HS2ST1: variants seen among roughly 807,000 people sequenced by gnomAD.
The protein encoded by HS2ST1 is 2-O-sulfotransferase.
HS2ST1 carries 18 observed loss-of-function variants against 42.9 expected under a neutral mutation model. The observed-to-expected ratio is 0.42, with a 90% CI of 0.29 to 0.62. The LOEUF is 0.62. Ranked by LOEUF, HS2ST1 falls within the 20% of genes least tolerant of loss-of-function variation. HS2ST1 has a pLI of 0.21. For missense variants in HS2ST1, 334 were observed against 433.8 expected (o/e 0.77, Z 2.04); for synonymous variants, 146 against 152.9 (o/e 0.95, Z 0.33).
At position 87,076,254 on chromosome 1, in the gene HS2ST1, T is replaced by C. The variant is rs377342056; in HGVS notation, c.363+3082T>C. Among the ~76,000 whole-genome samples, 315 of 152,292 alleles carry C rather than the reference T, an allele frequency of 2.1e-3. 2 individuals carry two copies. Among genetic ancestry groups the C allele is most frequent in the Middle Eastern group, 3.4e-3 (1 of 294 alleles). ...AGAGAGACATGGAAACCAAATGTAATGTATGGTCTGTGATCAGATCCTTGA... is the reference window on the plus strand; with the variant it reads ...AGAGAGACATGGAAACCAAATGTAACGTATGGTCTGTGATCAGATCCTTGA... On this transcript the variant is annotated intron_variant, in intron 2 of 6. Coordinates refer to ENST00000370550, the MANE Select transcript of HS2ST1 (RefSeq NM_012262.4).
In HS2ST1 at chr1:86,985,419, T is replaced by C. The variant is rs200711772; in HGVS notation, c.124+70259T>C. Among the ~76,000 whole-genome samples the C allele has an allele frequency of 1.5e-3, 82 of 54,446 alleles. 2 individuals are homozygous for C. The highest frequency in any genetic ancestry group is 9.1e-3 in the Middle Eastern group (1 of 110). 35.7% of individuals were successfully genotyped at this position (54,446 alleles called of 152,430 possible). A position where few individuals can be genotyped will look rare whatever the true frequency, so the allele number is the denominator to read the frequency against. Reference sequence around the variant, plus strand: ...ACACACATATATATACACATATATATACACATATATACACACATATATACA... The same window carrying C: ...ACACACATATATATACACATATATACACACATATATACACACATATATACA... On this transcript the variant is annotated intron_variant, in intron 1 of 6. Coordinates refer to ENST00000370550, the MANE Select transcript of HS2ST1 (RefSeq NM_012262.4).
intron 1 of HS2ST1, among the ~76,000 whole-genome samples, chr1:86,972,096 G>A (rs1648250970): frequency 2.0e-5 from 3 of 152,182 alleles, no homozygotes; most frequent in South Asian, 4.1e-4. Flanking sequence ...ATTGGTTTAA[G>A]TGCATTCATT....
intron 1 of HS2ST1, among the ~76,000 whole-genome samples, chr1:87,023,495 T>C (rs1650004426): frequency 6.6e-6 from 1 of 151,500 alleles, no homozygotes. Context: ...TTTAGAATAG[T>C]ATGTATAACA....
chr1:86,964,113 G>A (rs1253854552), intron 1 of HS2ST1, among the ~76,000 whole-genome samples: 9 of 150,832 alleles, frequency 6.0e-5, no homozygotes, highest in East Asian at 2.0e-4. Context: ...CATCTCAGAC[G>A]ATGGGCAGCC....
intron 1 of HS2ST1, among the ~76,000 whole-genome samples, chr1:87,010,756 C>CTGTTTTGTTT (rs56184842): frequency 6.7e-6 from 1 of 149,564 alleles, no homozygotes; most frequent in Admixed American, 6.7e-5. Flanking sequence ...ATAGATTTTA[C>CTGTTTTGTTT]TGTTTTGTTT....
intron 1 of HS2ST1, among the ~76,000 whole-genome samples, chr1:87,057,723 T>C (rs529544575): frequency 6.8e-4 from 103 of 151,898 alleles, no homozygotes; most frequent in Admixed American, 1.3e-3. Context: ...TGGTGGCAGG[T>C]GCCTGTAGTC....
intron 2 of HS2ST1, among the ~76,000 whole-genome samples, chr1:87,076,130 G>A (rs567329788): frequency 1.3e-5 from 2 of 152,086 alleles, no homozygotes; most frequent in South Asian, 2.1e-4. Context: ...ACCTAATCCC[G>A]AGAAAACAAA....
intron 1 of HS2ST1, among the ~76,000 whole-genome samples, chr1:86,999,124 A>T (rs1649197862): frequency 6.6e-6 from 1 of 152,210 alleles, no homozygotes. Flanking sequence ...GGTTTCTAGG[A>T]ATATCTTAGA....
chr1:86,939,489 T>C (rs1236889181), intron 1 of HS2ST1, among the ~76,000 whole-genome samples: 3 of 152,240 alleles, frequency 2.0e-5, no homozygotes, highest in Admixed American at 1.3e-4. Context: ...GATGTACTTA[T>C]GTTTTCACCT....
At chr1:87,035,885 G>A (rs1368262498) in intron 1 of HS2ST1, among the ~76,000 whole-genome samples, 2 of 150,640 alleles carry the variant, frequency 1.3e-5, no homozygotes, top group African/African-American at 4.9e-5. Flanking sequence ...GGTTTGTTAC[G>A]TTAAGTATAC....
intron 2 of HS2ST1, among the ~76,000 whole-genome samples, chr1:87,081,631 A>G (rs1651692605): frequency 6.6e-6 from 1 of 152,222 alleles, no homozygotes. Flanking sequence ...TTAAAGAGCT[A>G]GAAAAGCAAG....
intron 1 of HS2ST1, among the ~76,000 whole-genome samples, chr1:87,010,295 A>T (rs554136435): frequency 6.9e-6 from 1 of 145,362 alleles, no homozygotes; most frequent in Middle Eastern, 3.3e-3. Flanking sequence ...GAGAAGCACA[A>T]TTTTTTTTTT....
At chr1:86,993,851 G>A (rs1261552274) in intron 1 of HS2ST1, among the ~76,000 whole-genome samples, 2 of 152,096 alleles carry the variant, frequency 1.3e-5, no homozygotes, top group African/African-American at 2.4e-5. Flanking sequence ...TTTATCTTCA[G>A]GCTTCCAAAA....
chr1:87,005,333 A>G (rs1444977946), intron 1 of HS2ST1, among the ~76,000 whole-genome samples: 1 of 152,190 alleles, frequency 6.6e-6, no homozygotes, highest in Non-Finnish European at 1.5e-5. Flanking sequence ...AAATAAATCA[A>G]TCCTGGTACC....
At chr1:87,034,241 A>G (rs1650316157) in intron 1 of HS2ST1, among the ~76,000 whole-genome samples, 1 of 152,214 alleles carries the variant, frequency 6.6e-6, no homozygotes. Context: ...CAAAAATGTA[A>G]ATTCTTTTAC....
intron 1 of HS2ST1, among the ~76,000 whole-genome samples, chr1:86,978,718 G>T (rs887738072): frequency 2.0e-5 from 3 of 151,860 alleles, no homozygotes; most frequent in African/African-American, 7.3e-5. Flanking sequence ...TAATAGAAAT[G>T]GAATTTTAAA....
intron 1 of HS2ST1, among the ~76,000 whole-genome samples, chr1:86,942,920 ATT>A (rs143439624): frequency 1.3e-5 from 2 of 151,590 alleles, no homozygotes; most frequent in African/African-American, 2.4e-5. Context: ...GTCATCCTTG[ATT>A]TTTTTTCCCC....
chr1:87,038,814 A>G (rs1650448052), intron 1 of HS2ST1, among the ~76,000 whole-genome samples: 1 of 152,128 alleles, frequency 6.6e-6, no homozygotes, highest in African/African-American at 2.4e-5. Flanking sequence ...GGGCAGATAG[A>G]TACAGAACAA....
chr1:87,012,451 A>G (rs1043456834), intron 1 of HS2ST1, among the ~76,000 whole-genome samples: 4 of 152,190 alleles, frequency 2.6e-5, no homozygotes, highest in Admixed American at 2.6e-4. Context: ...CGTGAGACTT[A>G]TACACTATCA....
Sources: allele counts gnomAD v4.1 joint callset (sites outside exome capture counted in the v4.1 genomes callset), GRCh38; gene constraint gnomAD v4.1.1; transcripts MANE v1.5; gene names NCBI Gene and HGNC (gene_info 2026-07-23, HGNC 2026-07-21).